The following ZFAT variants were observed in gnomAD, a reference collection of about 807,000 sequenced individuals.
ZFAT encodes zinc finger and AT-hook domain containing, also known as zinc finger protein ZFAT.
In ZFAT, 64 loss-of-function variants were observed where a neutral mutation model predicts 117.7. The observed-to-expected ratio is 0.54, with a 90% CI of 0.44 to 0.67. The LOEUF is 0.67. Among genes scored for constraint, ZFAT ranks in the 30% least tolerant of loss-of-function variants. ZFAT has a pLI of 0.00. For missense variants in ZFAT, 1,433 were observed against 1,584.5 expected, an observed-to-expected ratio of 0.90 and a Z score of 1.62; for synonymous variants, 679 against 615.0, an observed-to-expected ratio of 1.10 and a Z score of -1.54.
chr8:134,565,800 C>T (rs747185224), intron 10 of ZFAT: 10 of 305,914 alleles, frequency 3.3e-5, no homozygotes, highest in South Asian at 2.1e-4. Flanking sequence ...CTCAGGAAAG[C>T]GGAGCAGCTG....
rs1490130088 is a variant in ZFAT at position 134,478,898 on chromosome 8, A to C, written c.3493-177T>G. 6.6e-6 allele frequency among the ~76,000 whole-genome samples: 1 copy of C among 152,174 alleles called. No homozygotes were observed. On this transcript the variant is annotated intron_variant, in intron 15 of 15. Transcript: ENST00000377838. The surrounding 1 kb of genome is among the most constrained non-coding windows in gnomAD (Gnocchi z 5.2). The stretch of plus-strand genomic sequence containing the variant: ...CATGCCCATTTTACAGCTGAACAGA[A>C]TGAGGTTCAGCAATGTAGGGCAACG...
At chr8:134,544,556 C>T (rs1822549200) in intron 11 of ZFAT, among the ~76,000 whole-genome samples, 1 of 151,666 alleles carries the variant, frequency 6.6e-6, no homozygotes, top group African/African-American at 2.4e-5. Flanking sequence ...AAAAATGACC[C>T]ACACTTAAAA....
intron 11 of ZFAT, among the ~76,000 whole-genome samples, chr8:134,548,438 G>C (rs1368811561): frequency 6.6e-6 from 1 of 152,196 alleles, no homozygotes; most frequent in Admixed American, 6.5e-5. Flanking sequence ...AATGGAGGGT[G>C]GAGGGTGAGG....
At chr8:134,775,557 C>T in the ZFAT span, among the ~76,000 whole-genome samples, 173 of 152,220 alleles carry the variant, frequency 1.1e-3, 1 homozygote, top group Non-Finnish European at 1.9e-3. Flanking sequence ...TACCTTGTCC[C>T]GAGAGCCATG....
the ZFAT span, among the ~76,000 whole-genome samples, chr8:134,816,420 GA>G: frequency 1.1e-4 from 16 of 150,134 alleles, 1 homozygote; most frequent in African/African-American, 3.9e-4. Context: ...ACATGGCCCA[GA>G]AAAATAAGAC....
intron 1 of ZFAT, among the ~76,000 whole-genome samples, chr8:134,711,123 GTTGTT>G (rs748839508): frequency 1.3e-5 from 2 of 152,168 alleles, no homozygotes; most frequent in Non-Finnish European, 2.9e-5. Context: ...TTGTGCAACT[GTTGTT>G]TTGTTTTGTT....
At position 134,478,476 on chromosome 8, in the gene ZFAT, T is replaced by C. The variant is rs1168292826; in HGVS notation, c.*6A>G. On this transcript the variant is annotated 3_prime_UTR_variant, in exon 16 of 16. Coordinates refer to ENST00000377838, the MANE Select transcript of ZFAT (RefSeq NM_020863.4). The surrounding 1 kb of genome is among the most constrained non-coding windows in gnomAD (Gnocchi z 5.2). ...CGCCCTGTGGCCATCCGATGCCACA[T>C]GTCCTCTAGAGTTCCTGGGCCGGCT... 3.2e-6 allele frequency: 5 copies of C among 1,558,430 alleles called. No individual in the cohort carries two copies. The highest frequency in any genetic ancestry group is 1.2e-5 in the South Asian group (1 of 84,402).
At chr8:134,617,816 T>C (rs1586826699) in intron 3 of ZFAT, among the ~76,000 whole-genome samples, 1 of 152,146 alleles carries the variant, frequency 6.6e-6, no homozygotes, top group Admixed American at 6.5e-5. Flanking sequence ...TTGCAGATAG[T>C]CTCGACCGTG....
chr8:134,805,760 C>T, the ZFAT span, among the ~76,000 whole-genome samples: 1 of 152,100 alleles, frequency 6.6e-6, no homozygotes, highest in Non-Finnish European at 1.5e-5. Context: ...ATGGGTAGAT[C>T]GCTTGAGTCC....
chr8:134,654,327 G>GA (rs976783637), intron 2 of ZFAT, among the ~76,000 whole-genome samples: 8 of 152,038 alleles, frequency 5.3e-5, no homozygotes, highest in Admixed American at 1.3e-4. Context: ...CTTATAATTG[G>GA]AAAAAAAAGT....
At chr8:134,519,754 G>A (rs1413685095) in intron 13 of ZFAT, among the ~76,000 whole-genome samples, 2 of 152,248 alleles carry the variant, frequency 1.3e-5, no homozygotes, top group South Asian at 2.1e-4. Flanking sequence ...ACTCTTGTCT[G>A]CTTCTGACTT....
At chr8:134,585,080 T>C (rs1349331056) in intron 9 of ZFAT, among the ~76,000 whole-genome samples, 1 of 152,178 alleles carries the variant, frequency 6.6e-6, no homozygotes. Flanking sequence ...CTTGAACTTA[T>C]GTTTGGGTCA....
At chr8:134,578,241 C>A (rs1825455737) in intron 10 of ZFAT, among the ~76,000 whole-genome samples, 1 of 151,862 alleles carries the variant, frequency 6.6e-6, no homozygotes, top group Non-Finnish European at 1.5e-5. Context: ...GGTGAAACCC[C>A]ATCTCTACTA....
At chr8:134,759,169 A>G in the ZFAT span, among the ~76,000 whole-genome samples, 1 of 152,222 alleles carries the variant, frequency 6.6e-6, no homozygotes, top group African/African-American at 2.4e-5. Context: ...AATGCTATAT[A>G]TTTGTATAGC....
In ZFAT at chr8:134,657,604, A is replaced by G; in HGVS notation, c.153T>C (p.Pro51=). The change falls in exon 2 of 16, where the codon CCT becomes CCC. Residue 51 remains proline, a synonymous_variant. Transcript: ENST00000377838. ...NVDEIIIPLR[P]LSTPEPPNSS... is the part of the protein sequence containing the mutation. ...AGTTGGGGGGTTCAGGTGTACTCAG[A>G]GGCCTAAGGGGAATAATAATCTCAT... 1 of 1,613,936 alleles carries G rather than the reference A, an allele frequency of 6.2e-7. No homozygotes were observed. Among genetic ancestry groups the G allele is most frequent in the Non-Finnish European group, 8.5e-7 (1 of 1,179,944 alleles).
At chr8:134,561,813 T>C (rs1197119715) in intron 11 of ZFAT, among the ~76,000 whole-genome samples, 3 of 152,200 alleles carry the variant, frequency 2.0e-5, no homozygotes, top group African/African-American at 7.2e-5. Context: ...GGTATATGTA[T>C]GAATATCATA....
At chr8:134,737,172 C>A in the ZFAT span, among the ~76,000 whole-genome samples, 2 of 151,978 alleles carry the variant, frequency 1.3e-5, no homozygotes, top group Non-Finnish European at 2.9e-5. Context: ...CCCAGCTACC[C>A]AGGAGGCTGA....
intron 15 of ZFAT, among the ~76,000 whole-genome samples, chr8:134,497,048 C>T (rs1011596614): frequency 1.2e-4 from 19 of 152,332 alleles, no homozygotes; most frequent in Middle Eastern, 3.4e-3. Flanking sequence ...CAGCTGCTCC[C>T]GGATCTTGCG....
chr8:134,493,638 C>A (rs1045603550), intron 15 of ZFAT, among the ~76,000 whole-genome samples: 1 of 152,222 alleles, frequency 6.6e-6, no homozygotes, highest in African/African-American at 2.4e-5. Flanking sequence ...GAAGAGACGG[C>A]GGGGCAGGGG....
Sources: allele counts gnomAD v4.1 joint callset (sites outside exome capture counted in the v4.1 genomes callset), GRCh38; gene constraint gnomAD v4.1.1; non-coding constraint Gnocchi (gnomAD v3.1); transcripts MANE v1.5; gene names NCBI Gene and HGNC (gene_info 2026-07-23, HGNC 2026-07-21).